Variants in UTRN observed in about 807,000 individuals in gnomAD.
UTRN encodes utrophin, also known as dystrophin-related protein 1.
Under a neutral mutation model 463.9 loss-of-function variants are expected in UTRN, and 283 were observed. The observed-to-expected ratio is 0.61, with a 90% CI of 0.55 to 0.67. The LOEUF (loss-of-function observed/expected upper bound fraction) is 0.67. Ranked by LOEUF, UTRN falls within the 30% of genes least tolerant of loss-of-function variation. UTRN has a pLI of 0.00. For synonymous variants in UTRN, 1,442 were observed against 1,431.5 expected, an observed-to-expected ratio of 1.01 and a Z score of -0.17; for missense variants, 3,922 against 4,084.3, an observed-to-expected ratio of 0.96 and a Z score of 1.08.
Position 144,374,340 on chromosome 6 carries a change from G to A in UTRN, c.80-28783G>A, listed in dbSNP as rs534056634. ...CAGTAGAGACAAAAAGAGCATGGAT[G>A]TTAAAATGTAACTAAAAGATGCCCT... On this transcript the variant is annotated intron_variant, in intron 2 of 74. Coordinates refer to ENST00000367545, the MANE Select transcript of UTRN (RefSeq NM_007124.3). Among the ~76,000 whole-genome samples the A allele has an allele frequency of 2.0e-5, 3 of 152,200 alleles. No homozygotes were observed. The Middle Eastern group carries it at 0.01, about 518-fold the overall frequency.
At chr6:144,717,687 C>G (rs565301033) in intron 53 of UTRN, among the ~76,000 whole-genome samples, 1 of 131,708 alleles carries the variant, frequency 7.6e-6, no homozygotes, top group East Asian at 2.3e-4. Context: ...CCAGGCTGGA[C>G]TGCAATGGCT....
At chr6:144,496,351 T>A (rs1461979943) in intron 33 of UTRN, among the ~76,000 whole-genome samples, 1 of 152,200 alleles carries the variant, frequency 6.6e-6, no homozygotes, top group African/African-American at 2.4e-5. Flanking sequence ...GATTTTGATC[T>A]CACTTCTGCA....
At chr6:144,771,213 G>C (rs1355657718) in intron 58 of UTRN, among the ~76,000 whole-genome samples, 2 of 152,188 alleles carry the variant, frequency 1.3e-5, no homozygotes, top group Admixed American at 1.3e-4. Flanking sequence ...AGTTCTGTTT[G>C]AAATAGGCAA....
At chr6:144,512,478 CT>C (rs1415532633) in intron 35 of UTRN, among the ~76,000 whole-genome samples, 1 of 151,268 alleles carries the variant, frequency 6.6e-6, no homozygotes, top group Non-Finnish European at 1.5e-5. Flanking sequence ...TTCACATTTT[CT>C]TTTTTTAAAA....
chr6:144,328,618 T>A (rs1584297887), intron 2 of UTRN, among the ~76,000 whole-genome samples: 1 of 152,178 alleles, frequency 6.6e-6, no homozygotes, highest in Non-Finnish European at 1.5e-5. Flanking sequence ...TTATTTCCTT[T>A]TACAATGAGT....
intron 2 of UTRN, among the ~76,000 whole-genome samples, chr6:144,314,928 A>G (rs1775185374): frequency 6.6e-6 from 1 of 151,862 alleles, no homozygotes; most frequent in Non-Finnish European, 1.5e-5. Flanking sequence ...ATACCTATGT[A>G]TATATATACC....
intron 66 of UTRN, among the ~76,000 whole-genome samples, chr6:144,823,770 A>G (rs182933288): frequency 2.6e-5 from 4 of 152,340 alleles, no homozygotes; most frequent in Admixed American, 1.3e-4. Flanking sequence ...AATAGTAGCA[A>G]AAGTAATTCA....
intron 51 of UTRN, among the ~76,000 whole-genome samples, chr6:144,668,972 TTCATTA>T (rs1325396848): frequency 3.3e-5 from 5 of 152,214 alleles, no homozygotes; most frequent in Non-Finnish European, 7.3e-5. Context: ...TGTTTTACTG[TTCATTA>T]CCAATGATAG....
intron 51 of UTRN, among the ~76,000 whole-genome samples, chr6:144,636,457 T>C (rs1777188142): frequency 6.6e-6 from 1 of 152,084 alleles, no homozygotes; most frequent in African/African-American, 2.4e-5. Context: ...GATGGGTTGA[T>C]AGGCGCAGCA....
intron 50 of UTRN, among the ~76,000 whole-genome samples, chr6:144,561,801 A>G (rs1799951419): frequency 6.6e-6 from 1 of 152,150 alleles, no homozygotes; most frequent in South Asian, 2.1e-4. Context: ...TAGGTAGTAT[A>G]TGCTTAAGAA....
rs1450684125 is a variant in UTRN at position 144,737,820 on chromosome 6, A to C, written c.7939+7334A>C. Among the ~76,000 whole-genome samples, 4 of 132,548 alleles carry C rather than the reference A, an allele frequency of 3.0e-5. No homozygotes were observed. The East Asian group carries it at 1.2e-3, about 39-fold the overall frequency. The allele number at this position is 132,548 out of a possible 152,430, so 87.0% of individuals were successfully genotyped here. A position where few individuals can be genotyped will look rare whatever the true frequency, so the allele number is the denominator to read the frequency against. Reference sequence around the variant, plus strand: ...AATGTATACTTTTTCCTTTTAATGCAATTGAACTGTTTTTTTTTTTTATTT... The same window carrying C: ...AATGTATACTTTTTCCTTTTAATGCCATTGAACTGTTTTTTTTTTTTATTT... On this transcript the variant is annotated intron_variant, in intron 54 of 74. Coordinates refer to ENST00000367545, the MANE Select transcript of UTRN (RefSeq NM_007124.3).
rs1002142834 is a variant in UTRN at position 144,286,994 on chromosome 6, G to A, written c.-93+1173G>A. ...GCCAGAGCGCGCGGAGCTCGGGGGAGGCCGGATTCCCTAGGTCTGAGCCGA... is the reference window on the plus strand; with the variant it reads ...GCCAGAGCGCGCGGAGCTCGGGGGAAGCCGGATTCCCTAGGTCTGAGCCGA... On this transcript the variant is annotated intron_variant, in intron 1 of 74. Transcript: ENST00000367545. This position sits in a 1 kb window ranked among gnomAD's most constrained non-coding sequence, Gnocchi z 4.4. Among the ~76,000 whole-genome samples, 3 of 152,152 alleles carry A rather than the reference G, an allele frequency of 2.0e-5. No individual in the cohort carries two copies. The highest frequency in any genetic ancestry group is 1.5e-5 in the Non-Finnish European group (1 of 68,028).
intron 34 of UTRN, among the ~76,000 whole-genome samples, chr6:144,508,150 C>A (rs2128588883): frequency 6.6e-6 from 1 of 152,304 alleles, no homozygotes; most frequent in Admixed American, 6.5e-5. Flanking sequence ...GAATTTCCAG[C>A]CGTTGGATCT....
At chr6:144,734,912 T>C (rs1010102786) in intron 54 of UTRN, among the ~76,000 whole-genome samples, 7 of 152,250 alleles carry the variant, frequency 4.6e-5, no homozygotes, top group Non-Finnish European at 8.8e-5. Flanking sequence ...CTCTTATTAT[T>C]GTCCCTTTCG....
intron 51 of UTRN, among the ~76,000 whole-genome samples, chr6:144,668,633 G>T (rs1322050130): frequency 6.6e-6 from 1 of 152,102 alleles, no homozygotes; most frequent in Non-Finnish European, 1.5e-5. Flanking sequence ...GTTCATAGGT[G>T]TTACCTTCTA....
intron 3 of UTRN, among the ~76,000 whole-genome samples, chr6:144,416,980 G>C (rs1302015348): frequency 6.6e-6 from 1 of 152,170 alleles, no homozygotes; most frequent in Non-Finnish European, 1.5e-5. Context: ...ATTGAAATAA[G>C]AGGTTAACTG....
intron 65 of UTRN, among the ~76,000 whole-genome samples, chr6:144,820,484 T>G (rs539414066): frequency 2.2e-3 from 328 of 151,982 alleles, no homozygotes; most frequent in South Asian, 3.5e-3. Context: ...GTTAAAACCA[T>G]TGTGGTTAAA....
intron 32 of UTRN, among the ~76,000 whole-genome samples, 168 bp downstream of exon 32, chr6:144,491,270 C>T (rs901563689): frequency 6.6e-6 from 1 of 152,132 alleles, no homozygotes; most frequent in African/African-American, 2.4e-5. Context: ...TGGTCTTTCC[C>T]TCCAAAGAAA....
rs1170110193 is a variant in UTRN at position 144,730,540 on chromosome 6, A to C, written c.7939+54A>C. 6 of 1,467,798 alleles carry C rather than the reference A, an allele frequency of 4.1e-6. No homozygotes were observed. In the East Asian group the frequency reaches 1.3e-4, roughly 31 times the overall value. 90.9% of individuals were successfully genotyped at this position (1,467,798 alleles called of 1,614,324 possible). Reference sequence around the variant, plus strand: ...AAAACACATGCTAGGAGAACAAAAAACCCAAAATCAAGTAGGAAATTTCCT... The same window carrying C: ...AAAACACATGCTAGGAGAACAAAAACCCCAAAATCAAGTAGGAAATTTCCT... On this transcript the variant is annotated intron_variant, in intron 54 of 74. Transcript: ENST00000367545.
Sources: allele counts gnomAD v4.1 joint callset (sites outside exome capture counted in the v4.1 genomes callset), GRCh38; gene constraint gnomAD v4.1.1; non-coding constraint Gnocchi (gnomAD v3.1); transcripts MANE v1.5; gene names NCBI Gene and HGNC (gene_info 2026-07-23, HGNC 2026-07-21).